The following DLG2 variants were observed in gnomAD, a reference collection of about 807,000 sequenced individuals.
DLG2 encodes discs large MAGUK scaffold protein 2, also known as disks large homolog 2.
Under a neutral mutation model 132.5 loss-of-function variants are expected in DLG2, and 45 were observed. That is an observed-to-expected ratio of 0.34 (90% confidence interval 0.27 to 0.44). The LOEUF is 0.44. Among genes scored for constraint, DLG2 ranks in the 20% least tolerant of loss-of-function variants. The probability of loss-of-function intolerance (pLI) is 1.00; values close to 1 mark genes in which losing one functional copy is unlikely to be tolerated. For missense variants in DLG2, 1,045 were observed against 1,196.9 expected (o/e 0.87, Z 1.87); for synonymous variants, 424 against 419.6 (o/e 1.01, Z -0.13).
chr11:85,519,447 C>T (rs2512803), intron 3 of DLG2, among the ~76,000 whole-genome samples: 25,348 of 152,134 alleles, frequency 0.17, 2,372 homozygotes, highest in East Asian at 0.31. Context: ...GGGCCTGTAG[C>T]CTCTTTGTTT....
chr11:84,630,895 C>G (rs1298050765), intron 6 of DLG2, among the ~76,000 whole-genome samples: 1 of 151,902 alleles, frequency 6.6e-6, no homozygotes, highest in Non-Finnish European at 1.5e-5. Context: ...TCAGAAGTAT[C>G]ACCTGAGCAT....
intron 6 of DLG2, among the ~76,000 whole-genome samples, chr11:84,656,468 C>T (rs1346726321): frequency 6.6e-6 from 1 of 151,950 alleles, no homozygotes; most frequent in Non-Finnish European, 1.5e-5. Flanking sequence ...AAGAGTATAG[C>T]CAAATGTAGT....
intron 6 of DLG2, among the ~76,000 whole-genome samples, chr11:84,820,418 T>C (rs112996301): frequency 1.8e-4 from 27 of 152,022 alleles, no homozygotes; most frequent in African/African-American, 6.5e-4. Flanking sequence ...TTTTGAAAAG[T>C]GTACAGGTAA....
intron 15 of DLG2, among the ~76,000 whole-genome samples, chr11:83,891,909 T>C (rs905511887): frequency 6.6e-6 from 1 of 152,180 alleles, no homozygotes; most frequent in African/African-American, 2.4e-5. Context: ...GCCCCAGCTG[T>C]ATAATGAAAG....
intron 3 of DLG2, among the ~76,000 whole-genome samples, chr11:85,310,914 T>C (rs974202575): frequency 1.3e-5 from 2 of 152,202 alleles, no homozygotes; most frequent in African/African-American, 4.8e-5. Flanking sequence ...AGCCTTAACT[T>C]TTTAATAAAC....
Position 85,583,088 on chromosome 11 carries a change from ATGTGTG to A in DLG2, c.40+15563_40+15568del, listed in dbSNP as rs3068389. On this transcript the variant is annotated intron_variant, in intron 3 of 27. Transcript: ENST00000376104. The stretch of plus-strand genomic sequence containing the variant: ...TATATATATATATATAATATATGTG[ATGTGTG>A]TGTGTGTGTGTGTGTGTGTGTGTGT... Among the ~76,000 whole-genome samples, 139 of 29,780 alleles carry A rather than the reference ATGTGTG, an allele frequency of 4.7e-3. 1 individual carries two copies. The highest frequency in any genetic ancestry group is 7.6e-3 in the African/African-American group (59 of 7,738). 19.5% of individuals were successfully genotyped at this position (29,780 alleles called of 152,430 possible).
chr11:85,382,378 G>A (rs568074235), intron 3 of DLG2, among the ~76,000 whole-genome samples: 1 of 152,124 alleles, frequency 6.6e-6, no homozygotes, highest in South Asian at 2.1e-4. Flanking sequence ...CAAAATGGAT[G>A]AAATACCCAA....
chr11:84,168,428 C>G (rs2095724515), intron 8 of DLG2, among the ~76,000 whole-genome samples: 2 of 152,310 alleles, frequency 1.3e-5, no homozygotes, highest in African/African-American at 4.8e-5. Flanking sequence ...GTTTTAGCAT[C>G]TAGCACTACA....
intron 10 of DLG2, among the ~76,000 whole-genome samples, chr11:84,074,198 C>A (rs2096793361): frequency 6.6e-6 from 1 of 152,112 alleles, no homozygotes; most frequent in African/African-American, 2.4e-5. Context: ...AGAAATCTTG[C>A]CTCTAATTTT....
intron 9 of DLG2, among the ~76,000 whole-genome samples, chr11:84,101,186 G>A (rs2092487286): frequency 6.6e-6 from 1 of 152,096 alleles, no homozygotes; most frequent in South Asian, 2.1e-4. Context: ...GTGTAGGAGT[G>A]GGTAGGAGAA....
chr11:83,522,804 G>GCC (rs60229392), intron 21 of DLG2, among the ~76,000 whole-genome samples: 32 of 132,280 alleles, frequency 2.4e-4, no homozygotes, highest in African/African-American at 8.4e-4. Flanking sequence ...TAATTTTAGA[G>GCC]CCCCCCCCCC....
chr11:85,251,124 G>A (rs1384423266), intron 4 of DLG2, among the ~76,000 whole-genome samples: 1 of 152,150 alleles, frequency 6.6e-6, no homozygotes, highest in Admixed American at 6.5e-5. Context: ...ACCCACTGTG[G>A]GAAAGCCAGG....
intron 17 of DLG2, among the ~76,000 whole-genome samples, chr11:83,820,486 C>T (rs967798982): frequency 2.0e-5 from 3 of 152,108 alleles, no homozygotes; most frequent in Admixed American, 6.6e-5. Context: ...ATTAGAATGA[C>T]GATACCTAAG....
intron 8 of DLG2, among the ~76,000 whole-genome samples, chr11:84,204,048 C>G (rs2096633122): frequency 1.3e-5 from 2 of 152,152 alleles, no homozygotes; most frequent in Admixed American, 1.3e-4. Context: ...ACCTCTGCCT[C>G]CCAGGTTCAA....
intron 7 of DLG2, among the ~76,000 whole-genome samples, chr11:84,309,038 G>A (rs1219018015): frequency 6.6e-6 from 1 of 152,222 alleles, no homozygotes; most frequent in African/African-American, 2.4e-5. Flanking sequence ...TGGGTGCCCA[G>A]GCAGAGGAGG....
At chr11:84,714,549 T>TTCTCTTTCTCTCTCTCTCTC (rs1565748003) in intron 6 of DLG2, among the ~76,000 whole-genome samples, 2 of 59,134 alleles carry the variant, frequency 3.4e-5, no homozygotes, top group Non-Finnish European at 5.7e-5. Flanking sequence ...CTCTTTCTCT[T>TTCTCTTTCTCTCTCTCTCTC]TCTCTCTCTT....
chr11:85,417,066 A>T (rs2089926987), intron 3 of DLG2, among the ~76,000 whole-genome samples: 1 of 152,110 alleles, frequency 6.6e-6, no homozygotes, highest in Non-Finnish European at 1.5e-5. Context: ...TCAGTATGAT[A>T]TTGACTGTGA....
intron 18 of DLG2, among the ~76,000 whole-genome samples, chr11:83,764,611 T>A (rs1344333302): frequency 1.3e-5 from 2 of 152,200 alleles, no homozygotes; most frequent in Non-Finnish European, 2.9e-5. Flanking sequence ...ACCTACTTAA[T>A]CTTCAAAATT....
intron 22 of DLG2, chr11:83,483,108 A>G (rs2093253229): frequency 1.5e-6 from 1 of 666,466 alleles, no homozygotes; most frequent in East Asian, 2.7e-5. Flanking sequence ...GTTACTTTGT[A>G]GGAGCATTCA....
Sources: gnomAD v4.1 joint callset for allele counts (sites outside exome capture counted in the v4.1 genomes callset) on GRCh38, gnomAD v4.1.1 for gene constraint, MANE v1.5 for transcripts, NCBI Gene and HGNC (gene_info 2026-07-23, HGNC 2026-07-21) for gene names.